Variants in ZMYM2 observed in about 807,000 individuals in gnomAD.
ZMYM2 encodes zinc finger MYM-type containing 2.
A neutral mutation model predicts 162.8 loss-of-function variants in ZMYM2; 56 were observed. That is an observed-to-expected ratio of 0.34 (90% confidence interval 0.28 to 0.43). The LOEUF (loss-of-function observed/expected upper bound fraction) is 0.43, where lower values mean the gene tolerates loss of function less well. ZMYM2 is among the 20% of genes least tolerant of loss of function. ZMYM2 has a pLI of 1.00. For synonymous variants in ZMYM2, 510 were observed against 541.6 expected (o/e 0.94, Z 0.81); for missense variants, 1,275 against 1,621.8 (o/e 0.79, Z 3.67).
At position 20,088,355 on chromosome 13, in the gene ZMYM2, T is replaced by C. The variant is rs138932325; in HGVS notation, c.*2341T>C. The C allele has an allele frequency of 9.2e-5, 19 of 205,678 alleles. No homozygotes were observed. In the East Asian group the frequency reaches 1.4e-3, roughly 15 times the overall value. The allele number at this position is 205,678 out of a possible 1,614,324, so 12.7% of individuals were successfully genotyped here. A position where few individuals can be genotyped will look rare whatever the true frequency, so the allele number is the denominator to read the frequency against. On this transcript the variant is annotated 3_prime_UTR_variant, in exon 25 of 25. Transcript: ENST00000610343. ...GAAAAGGACAATGAAATGATAGCAA[T>C]TTCCTTTTGCTTCTAGGTGATCTCT... is the stretch of plus-strand genomic sequence containing the variant.
At chr13:20,019,433 T>G in intron 6 of ZMYM2, 114 bp from the exon 7 acceptor site, 1 of 894,214 alleles carries the variant, frequency 1.1e-6, no homozygotes. Flanking sequence ...TGGAATGAGT[T>G]TGTAAGTCAC....
intron 3 of ZMYM2, among the ~76,000 whole-genome samples, chr13:19,999,777 G>A (rs1950262032): frequency 6.6e-6 from 1 of 152,170 alleles, no homozygotes; most frequent in African/African-American, 2.4e-5. Flanking sequence ...TGCTACTCCA[G>A]TGAACACAGG....
the ZMYM2 span, among the ~76,000 whole-genome samples, chr13:19,902,485 C>T: frequency 2.0e-4 from 30 of 151,834 alleles, no homozygotes; most frequent in Non-Finnish European, 3.4e-4. Flanking sequence ...GTGTGGTGAC[C>T]CATGCCTGTA....
chr13:20,043,166 C>G (rs1954427881), intron 12 of ZMYM2, among the ~76,000 whole-genome samples: 1 of 152,154 alleles, frequency 6.6e-6, no homozygotes, highest in Non-Finnish European at 1.5e-5. Flanking sequence ...TGCTTTAACT[C>G]CGGGGTACTT....
chr13:19,953,127 G>A, the ZMYM2 span, among the ~76,000 whole-genome samples: 1 of 152,060 alleles, frequency 6.6e-6, no homozygotes, highest in Admixed American at 6.6e-5. Context: ...GGACTTCCCT[G>A]CCTCCAGAAT....
chr13:19,886,767 A>G, the ZMYM2 span, among the ~76,000 whole-genome samples: 1 of 151,768 alleles, frequency 6.6e-6, no homozygotes, highest in Non-Finnish European at 1.5e-5. Flanking sequence ...CTCCTGCCTC[A>G]GCCTCTTGAG....
chr13:19,874,020 G>C, the ZMYM2 span, among the ~76,000 whole-genome samples: 1 of 152,226 alleles, frequency 6.6e-6, no homozygotes, highest in Admixed American at 6.5e-5. Context: ...TGTGAATCTT[G>C]GTTTTTGGGT....
At chr13:20,006,247 AATTTT>A (rs767716807) in intron 5 of ZMYM2, 122 bp from the exon 6 acceptor site, 27,128 of 819,550 alleles carry the variant, frequency 0.033, 274 homozygotes, top group Admixed American at 0.038. Context: ...AAAAAAAAAA[AATTTT>A]TTTTTTCCTT....
intron 2 of ZMYM2, among the ~76,000 whole-genome samples, chr13:19,982,712 G>A (rs1434328042): frequency 2.0e-5 from 3 of 152,128 alleles, no homozygotes; most frequent in Non-Finnish European, 4.4e-5. Context: ...TTGTTATGTT[G>A]ATGAAGATAG....
chr13:19,912,211 A>ACTCTCACTGTG, the ZMYM2 span, among the ~76,000 whole-genome samples: 1 of 151,182 alleles, frequency 6.6e-6, no homozygotes, highest in Non-Finnish European at 1.5e-5. Flanking sequence ...AAGGCCAGTA[A>ACTCTCACTGTG]TACACTCTCA....
chr13:20,080,993 A>G (rs1232564132), intron 21 of ZMYM2, among the ~76,000 whole-genome samples: 1 of 152,246 alleles, frequency 6.6e-6, no homozygotes, highest in African/African-American at 2.4e-5. Context: ...CATGGGCCAG[A>G]TATGGCTCCA....
chr13:20,048,864 A>G (rs2140527103), intron 12 of ZMYM2, among the ~76,000 whole-genome samples: 1 of 151,968 alleles, frequency 6.6e-6, no homozygotes, highest in Non-Finnish European at 1.5e-5. Flanking sequence ...CAATGACAAG[A>G]AAACCACAAA....
At chr13:19,907,962 G>C in the ZMYM2 span, among the ~76,000 whole-genome samples, 1 of 151,978 alleles carries the variant, frequency 6.6e-6, no homozygotes, top group Non-Finnish European at 1.5e-5. Context: ...ATTTGTTACA[G>C]AAAACAGGAC....
chr13:19,930,791 G>C, the ZMYM2 span, among the ~76,000 whole-genome samples: 113 of 151,348 alleles, frequency 7.5e-4, no homozygotes, highest in Non-Finnish European at 1.4e-3. Flanking sequence ...TGCCTGCCTC[G>C]GTTTTCCAAA....
chr13:20,078,952 T>A (rs1957712022), intron 21 of ZMYM2, among the ~76,000 whole-genome samples: 1 of 151,796 alleles, frequency 6.6e-6, no homozygotes. Context: ...TTCTCATGTA[T>A]AGTCCCAAAG....
upstream of ZMYM2, among the ~76,000 whole-genome samples, chr13:19,957,908 C>T (rs1019854792): frequency 1.3e-5 from 2 of 152,244 alleles, no homozygotes; most frequent in African/African-American, 4.8e-5. Context: ...CCCGCGGACG[C>T]AGACGCCAGC....
At chr13:19,965,969 A>G (rs1310316267) in intron 2 of ZMYM2, among the ~76,000 whole-genome samples, 5 of 151,530 alleles carry the variant, frequency 3.3e-5, no homozygotes, top group African/African-American at 9.7e-5. Flanking sequence ...TAATAGAGAC[A>G]GGGTTTCACC....
intron 21 of ZMYM2, among the ~76,000 whole-genome samples, chr13:20,074,900 AC>A (rs1957378522): frequency 6.6e-6 from 1 of 152,194 alleles, no homozygotes; most frequent in South Asian, 2.1e-4. Context: ...AAGTTGTTTT[AC>A]TACTAAACTG....
At chr13:20,039,430 T>C (rs1471574702) in intron 12 of ZMYM2, among the ~76,000 whole-genome samples, 1 of 152,052 alleles carries the variant, frequency 6.6e-6, no homozygotes, top group East Asian at 1.9e-4. Context: ...GATGACTCTT[T>C]ATTATTTTGA....
Sources: allele counts gnomAD v4.1 joint callset (sites outside exome capture counted in the v4.1 genomes callset), GRCh38; gene constraint gnomAD v4.1.1; transcripts MANE v1.5; gene names NCBI Gene and HGNC (gene_info 2026-07-23, HGNC 2026-07-21).